ETV5: variants seen among roughly 807,000 people sequenced by gnomAD.
ETV5 encodes the protein ETS translocation variant 5.
A neutral mutation model predicts 70.0 loss-of-function variants in ETV5; 10 were observed. The observed-to-expected ratio is 0.14, with a 90% confidence interval of 0.09 to 0.24. The LOEUF is 0.24. Among genes scored for constraint, ETV5 ranks in the 10% least tolerant of loss-of-function variants. ETV5 has a pLI of 1.00. For missense variants in ETV5, 453 were observed against 651.2 expected, an observed-to-expected ratio of 0.70 and a Z score of 3.31; for synonymous variants, 216 against 242.2, an observed-to-expected ratio of 0.89 and a Z score of 1.01.
intron 9 of ETV5, among the ~76,000 whole-genome samples, chr3:186,058,165 A>G (rs927003474): frequency 1.3e-5 from 2 of 151,708 alleles, no homozygotes; most frequent in Non-Finnish European, 2.9e-5. Context: ...CAAACGAAAT[A>G]AAAGAAGGCA....
intron 1 of ETV5, among the ~76,000 whole-genome samples, chr3:186,107,821 A>T (rs1470135794): frequency 1.3e-5 from 2 of 152,026 alleles, no homozygotes; most frequent in Non-Finnish European, 2.9e-5. Flanking sequence ...CTGGATCTCT[A>T]GCGCTGGGCC....
In ETV5 at chr3:186,046,593, G is replaced by C. The variant is rs188833358; in HGVS notation, c.*2046C>G. 1.4e-3 allele frequency: 315 copies of C among 220,466 alleles called. 1 individual carries two copies. Among genetic ancestry groups the C allele is most frequent in the Non-Finnish European group, 1.7e-3 (186 of 111,062 alleles). The allele number at this position is 220,466 out of a possible 1,614,324, so 13.7% of individuals were successfully genotyped here. ...TATGCCCAGTGACAGCACAGGTCAC[G>C]TAAGTTACAGCAGGGGAGGGGTAGC... On this transcript the variant is annotated 3_prime_UTR_variant, in exon 13 of 13. Coordinates refer to ENST00000306376, the MANE Select transcript of ETV5 (RefSeq NM_004454.3).
chr3:186,094,066 G>T, intron 5 of ETV5, among the ~76,000 whole-genome samples: 1 of 152,220 alleles, frequency 6.6e-6, no homozygotes, highest in East Asian at 1.9e-4. Flanking sequence ...TAGGAGGGCT[G>T]GCTTTTGGGA....
At chr3:186,098,477 C>T (rs1395288558) in intron 5 of ETV5, among the ~76,000 whole-genome samples, 2 of 152,108 alleles carry the variant, frequency 1.3e-5, no homozygotes, top group Non-Finnish European at 2.9e-5. Context: ...GGACAAGCTA[C>T]CTATTAAGAC....
rs201874364 is a variant in ETV5, at chr3:186,065,822, C to T, written c.901G>A (p.Val301Ile). ...GIKQEPRDYC[V>I]DSEVPNCQSS... The stretch of plus-strand genomic sequence containing the variant: ...ACAATTTGATGCTGACCTGAATCGA[C>T]GCAGTAATCCCGAGGCTCCTGCTTG... The change falls in exon 8 of 13, where the codon GTC becomes ATC. Residue 301 changes from valine (V) to isoleucine (I), a missense_variant. Val to Ile is a conservative substitution (Grantham distance 29). Transcript: ENST00000306376. The T allele has an allele frequency of 6.7e-5, 108 of 1,614,062 alleles. No homozygotes were observed. In the Admixed American group the frequency reaches 8.3e-4, roughly 12 times the overall value.
intron 5 of ETV5, among the ~76,000 whole-genome samples, chr3:186,087,488 AC>A (rs1253594541): frequency 1.3e-5 from 2 of 152,200 alleles, no homozygotes; most frequent in Non-Finnish European, 2.9e-5. Context: ...TTAAATTTCT[AC>A]TTTTTAAAAA....
intron 5 of ETV5, among the ~76,000 whole-genome samples, chr3:186,085,507 G>GT (rs550203729): frequency 0.092 from 11,437 of 124,784 alleles, 1,226 homozygotes; most frequent in East Asian, 0.52. Context: ...AGTAGCCTTC[G>GT]TTTTTTTTTT....
At chr3:186,098,701 G>C (rs1714373883) in intron 5 of ETV5, among the ~76,000 whole-genome samples, 1 of 152,206 alleles carries the variant, frequency 6.6e-6, no homozygotes, top group Non-Finnish European at 1.5e-5. Flanking sequence ...GAGGGAAAGC[G>C]GATGGAGCCC....
intron 7 of ETV5, among the ~76,000 whole-genome samples, chr3:186,067,473 G>A (rs1426579761): frequency 1.3e-5 from 2 of 152,054 alleles, no homozygotes; most frequent in Non-Finnish European, 2.9e-5. Context: ...TTAGCCAGGC[G>A]TGGTTTTGTG....
intron 7 of ETV5, among the ~76,000 whole-genome samples, chr3:186,074,074 T>C (rs1202401775): frequency 2.0e-5 from 3 of 151,440 alleles, no homozygotes; most frequent in Non-Finnish European, 2.9e-5. Context: ...AGGCCAAAAG[T>C]AGATTTGTTG....
intron 12 of ETV5, among the ~76,000 whole-genome samples, chr3:186,051,241 T>C (rs1254462234): frequency 1.3e-5 from 2 of 152,226 alleles, no homozygotes; most frequent in African/African-American, 4.8e-5. Context: ...GTAGACAAGT[T>C]CTCAGCAGTT....
At chr3:186,086,768 G>A (rs1714067043) in intron 5 of ETV5, among the ~76,000 whole-genome samples, 1 of 148,296 alleles carries the variant, frequency 6.7e-6, no homozygotes, top group African/African-American at 2.5e-5. Flanking sequence ...CCCAGCCTGG[G>A]CAACATAACA....
chr3:186,048,885 G>C (rs771765418), intron 12 of ETV5, 25 bp from the exon 13 acceptor site: 3 of 1,591,690 alleles, frequency 1.9e-6, no homozygotes, highest in Non-Finnish European at 2.6e-6. Flanking sequence ...ACACCTTACA[G>C]GGCCCAGTTG....
intron 5 of ETV5, among the ~76,000 whole-genome samples, chr3:186,086,772 CATA>C (rs1261051384): frequency 1.5e-5 from 2 of 130,142 alleles, no homozygotes; most frequent in Non-Finnish European, 3.2e-5. Context: ...GCCTGGGCAA[CATA>C]ACAAATTCCT....
In ETV5 at chr3:186,105,201, A is replaced by G; in HGVS notation, c.232+104T>C. On this transcript the variant is annotated intron_variant, in intron 5 of 12. Transcript: ENST00000306376. This position sits in a 1 kb window ranked among gnomAD's most constrained non-coding sequence, Gnocchi z 4.5. ...TATTAGAAGAAACTAAATGCATACT[A>G]CTGTCTAAATCTGGCCATAGCTGAA... The G allele has an allele frequency of 1.1e-6, 1 of 870,948 alleles. No individual in the cohort carries two copies. Among genetic ancestry groups the G allele is most frequent in the Non-Finnish European group, 1.8e-6 (1 of 548,166 alleles). The allele number at this position is 870,948 out of a possible 1,614,324, so 54.0% of individuals were successfully genotyped here. A position where few individuals can be genotyped will look rare whatever the true frequency, so the allele number is the denominator to read the frequency against.
At chr3:186,076,278 T>C (rs1713787413) in intron 7 of ETV5, 1 of 209,752 alleles carries the variant, frequency 4.8e-6, no homozygotes. Context: ...ATTAAGAATG[T>C]ACTTTTTTCT....
In ETV5 at chr3:186,067,303, G is replaced by A. The variant is rs193150332; in HGVS notation, c.651-1231C>T. ...AAAAATTAGCTGGATGTGGTTGTGC[G>A]CGCCTGTAGTCCCAGCTACTCTGGA... On this transcript the variant is annotated intron_variant, in intron 7 of 12. Transcript: ENST00000306376. 2.2e-3 allele frequency among the ~76,000 whole-genome samples: 331 copies of A among 152,308 alleles called. 1 individual carries two copies. Among genetic ancestry groups the A allele is most frequent in the African/African-American group, 7.6e-3 (316 of 41,560 alleles).
In ETV5 at chr3:186,046,709, GA is replaced by G. The variant is rs1231303202; in HGVS notation, c.*1929del. On this transcript the variant is annotated 3_prime_UTR_variant, in exon 13 of 13. Transcript: ENST00000306376. ...AAAAATCCAAACCAGGGTAAGTAAA[GA>G]AAGGAAAACCAAATCTATACAGCAT... 4.4e-6 allele frequency: 1 copy of G among 226,398 alleles called. No homozygotes were observed. Among genetic ancestry groups the G allele is most frequent in the East Asian group, 6.2e-5 (1 of 16,086 alleles). The allele number at this position is 226,398 out of a possible 1,614,324, so 14.0% of individuals were successfully genotyped here. A position where few individuals can be genotyped will look rare whatever the true frequency, so the allele number is the denominator to read the frequency against.
chr3:186,064,571 A>C, intron 8 of ETV5, 95 bp from the exon 9 acceptor site: 4 of 1,218,344 alleles, frequency 3.3e-6, no homozygotes, highest in Non-Finnish European at 4.9e-6. Flanking sequence ...AAAGCCCCTA[A>C]ACTTCCTGCT....
Sources: allele counts gnomAD v4.1 joint callset (sites outside exome capture counted in the v4.1 genomes callset), GRCh38; gene constraint gnomAD v4.1.1; non-coding constraint Gnocchi (gnomAD v3.1); transcripts MANE v1.5; gene names NCBI Gene and HGNC (gene_info 2026-07-23, HGNC 2026-07-21).